Variants in ZNF704 observed in about 807,000 individuals in gnomAD.
The protein encoded by ZNF704 is glucocorticoid induced gene 1.
Under a neutral mutation model 44.7 loss-of-function variants are expected in ZNF704, and 10 were observed. That is an observed-to-expected ratio of 0.22 (90% CI 0.14 to 0.38). The LOEUF (loss-of-function observed/expected upper bound fraction) is 0.38, where lower values mean the gene tolerates loss of function less well. ZNF704 is among the 10% of genes least tolerant of loss of function. The pLI, the probability that ZNF704 is intolerant of heterozygous loss-of-function variation, is 1.00. For synonymous variants in ZNF704, 211 were observed against 207.6 expected, an observed-to-expected ratio of 1.02 and a Z score of -0.14; for missense variants, 390 against 545.5, an observed-to-expected ratio of 0.71 and a Z score of 2.84.
At chr8:80,690,882 GCCA>G (rs1818622375) in intron 3 of ZNF704, among the ~76,000 whole-genome samples, 1 of 152,196 alleles carries the variant, frequency 6.6e-6, no homozygotes, top group African/African-American at 2.4e-5. Flanking sequence ...GGTGGCACAT[GCCA>G]GTAATCTCAG....
rs1244488642 is a variant in ZNF704 at position 80,640,095 on chromosome 8, C to T, written c.*1271G>A. 6.6e-6 allele frequency: 1 copy of T among 152,656 alleles called. No homozygotes were observed. Among genetic ancestry groups the T allele is most frequent in the Non-Finnish European group, 1.5e-5 (1 of 68,038 alleles). 9.5% of individuals were successfully genotyped at this position (152,656 alleles called of 1,614,324 possible). A position where few individuals can be genotyped will look rare whatever the true frequency, so the allele number is the denominator to read the frequency against. ...CTAAACTGAGAAATTCCTATACCTA[C>T]ATGCATTTTCCTTTTGGCGTTATGT... is the stretch of plus-strand genomic sequence containing the variant. On this transcript the variant is annotated 3_prime_UTR_variant, in exon 9 of 9. Transcript: ENST00000327835.
intron 1 of ZNF704, among the ~76,000 whole-genome samples, chr8:80,841,053 T>A (rs1051417562): frequency 2.0e-5 from 3 of 152,048 alleles, no homozygotes; most frequent in Admixed American, 6.6e-5. Context: ...TCCAACCACA[T>A]CACAAGTCTG....
intron 2 of ZNF704, among the ~76,000 whole-genome samples, chr8:80,755,623 T>C (rs1328328171): frequency 6.6e-6 from 1 of 152,184 alleles, no homozygotes; most frequent in Non-Finnish European, 1.5e-5. Flanking sequence ...GAGTTCTAGG[T>C]AGAATCCAGG....
intron 6 of ZNF704, among the ~76,000 whole-genome samples, chr8:80,660,391 G>C (rs1456018890): frequency 1.3e-5 from 2 of 151,224 alleles, no homozygotes; most frequent in Non-Finnish European, 2.9e-5. Context: ...AAGATTATGT[G>C]AGCCCAGGAG....
intron 2 of ZNF704, among the ~76,000 whole-genome samples, chr8:80,701,865 A>T (rs1159798745): frequency 6.6e-6 from 1 of 152,128 alleles, no homozygotes. Context: ...GGGTGGATGG[A>T]AACTGGGAGG....
At chr8:80,704,867 C>T (rs1818871534) in intron 2 of ZNF704, among the ~76,000 whole-genome samples, 2 of 152,188 alleles carry the variant, frequency 1.3e-5, no homozygotes, top group African/African-American at 4.8e-5. Flanking sequence ...TCTCTGAGTT[C>T]TGTGGGCAGC....
chr8:80,804,527 AC>A (rs1807954817), intron 2 of ZNF704, among the ~76,000 whole-genome samples: 1 of 152,182 alleles, frequency 6.6e-6, no homozygotes, highest in Non-Finnish European at 1.5e-5. Context: ...CTTTGCAGGG[AC>A]ATGGATGGAG....
intron 7 of ZNF704, among the ~76,000 whole-genome samples, chr8:80,653,637 T>C (rs1302897713): frequency 1.3e-5 from 2 of 152,090 alleles, no homozygotes; most frequent in Non-Finnish European, 2.9e-5. Flanking sequence ...TTACAAGGGA[T>C]GCGAAGGACC....
At chr8:80,644,206 G>A (rs1189236156) in intron 7 of ZNF704, among the ~76,000 whole-genome samples, 1 of 152,166 alleles carries the variant, frequency 6.6e-6, no homozygotes, top group African/African-American at 2.4e-5. Context: ...AAAGGTCATG[G>A]CATGTGTGAT....
At chr8:80,810,298 T>C (rs1808061423) in intron 2 of ZNF704, among the ~76,000 whole-genome samples, 1 of 152,180 alleles carries the variant, frequency 6.6e-6, no homozygotes, top group Non-Finnish European at 1.5e-5. Context: ...TTATCATTTC[T>C]CCACCCAGAA....
chr8:80,769,322 G>A (rs1025532151), intron 2 of ZNF704, among the ~76,000 whole-genome samples: 3 of 152,168 alleles, frequency 2.0e-5, no homozygotes, highest in Admixed American at 6.5e-5. Context: ...AATATAGAGA[G>A]TTCCCATGTA....
At chr8:80,857,577 A>T (rs1586079477) in intron 1 of ZNF704, among the ~76,000 whole-genome samples, 1 of 152,160 alleles carries the variant, frequency 6.6e-6, no homozygotes, top group Non-Finnish European at 1.5e-5. Flanking sequence ...TAGGAGAAGA[A>T]ATGACTTTGA....
chr8:80,861,271 G>T lies in ZNF704; in HGVS notation c.-22+13300C>A, dbSNP rs572104601. Among the ~76,000 whole-genome samples the T allele has an allele frequency of 9.9e-5, 15 of 152,248 alleles. No individual in the cohort carries two copies. In the Middle Eastern group the frequency reaches 0.01, roughly 104 times the overall value. Reference sequence around the variant, plus strand: ...CTTGAGCTTTGATGACCCCACCACTGGAGTATATTTATTGGATATTTGATT... The same window carrying T: ...CTTGAGCTTTGATGACCCCACCACTTGAGTATATTTATTGGATATTTGATT... On this transcript the variant is annotated intron_variant, in intron 1 of 8. Transcript: ENST00000327835.
At chr8:80,777,827 C>T (rs1282131192) in intron 2 of ZNF704, among the ~76,000 whole-genome samples, 5 of 150,684 alleles carry the variant, frequency 3.3e-5, no homozygotes, top group Non-Finnish European at 2.9e-5. Flanking sequence ...TGCATTGAGC[C>T]GAGATCGCGC....
chr8:80,725,350 T>C (rs1200037898), intron 2 of ZNF704, among the ~76,000 whole-genome samples: 2 of 152,188 alleles, frequency 1.3e-5, no homozygotes, highest in South Asian at 2.1e-4. Context: ...CCATACAATA[T>C]TGGAACATAA....
Position 80,659,628 on chromosome 8 carries a change from C to A in ZNF704, c.989G>T (p.Ser330Ile). 6.2e-7 allele frequency: 1 copy of A among 1,613,928 alleles called. No individual in the cohort carries two copies. Among genetic ancestry groups the A allele is most frequent in the Non-Finnish European group, 8.5e-7 (1 of 1,179,922 alleles). ...GACCGGAGGAGATTGCCAGGAAATG[C>A]TGAAGCTGCTGCCATTGGGGGTGAA... Reference protein sequence around the residue: ...AKFTPNGSSFSISWQSPPVTF... With the variant: ...AKFTPNGSSFIISWQSPPVTF... The change falls in exon 7 of 9, where the codon AGC (serine) becomes ATC (isoleucine). Residue 330 changes from serine (S) to isoleucine (I), a missense_variant. This residue lies in a region of ZNF704 where 305 missense variants were observed against 435.7 expected (regional missense o/e 0.70). Coordinates refer to ENST00000327835, the MANE Select transcript of ZNF704 (RefSeq NM_001033723.3).
chr8:80,835,614 G>A (rs1808546108), intron 1 of ZNF704, among the ~76,000 whole-genome samples: 1 of 152,184 alleles, frequency 6.6e-6, no homozygotes, highest in Non-Finnish European at 1.5e-5. Flanking sequence ...TACATGTGGA[G>A]ATATTTAATC....
rs552690714 is a variant in ZNF704 at position 80,642,193 on chromosome 8, C to A, written c.1128-716G>T. ...ATATATATATTATGCATGACTTTTT[C>A]TTTCTTTACAGTTTCATGGATTGAA... On this transcript the variant is annotated intron_variant, in intron 8 of 8. Transcript: ENST00000327835. Among the ~76,000 whole-genome samples, 3 of 152,260 alleles carry A rather than the reference C, an allele frequency of 2.0e-5. No individual in the cohort carries two copies. The South Asian group carries it at 6.2e-4, about 32-fold the overall frequency.
At chr8:80,872,447 C>T (rs1809268699) in intron 1 of ZNF704, among the ~76,000 whole-genome samples, 1 of 152,148 alleles carries the variant, frequency 6.6e-6, no homozygotes, top group African/African-American at 2.4e-5. Context: ...GGTGAGCCCC[C>T]AAAGCTTTTT....
Sources: allele counts gnomAD v4.1 joint callset (sites outside exome capture counted in the v4.1 genomes callset), GRCh38; gene constraint gnomAD v4.1.1; regional missense constraint gnomAD v4.1.1; transcripts MANE v1.5; gene names NCBI Gene and HGNC (gene_info 2026-07-23, HGNC 2026-07-21).